RNF228: variants seen among roughly 807,000 people sequenced by gnomAD.
The protein encoded by RNF228 is ring finger protein 228.
chr2:222,316,226 T>C, the RNF228 span, among the ~76,000 whole-genome samples: 2 of 152,180 alleles, frequency 1.3e-5, no homozygotes, highest in South Asian at 2.1e-4. Flanking sequence ...GAGACCTGAA[T>C]GCCAGATAAC....
the RNF228 span, chr2:222,319,100 C>T: frequency 0.014 from 2,725 of 197,904 alleles, 68 homozygotes; most frequent in African/African-American, 0.059. The surrounding 1 kb of genome is among the most constrained non-coding windows in gnomAD (Gnocchi z 7.6). Flanking sequence ...CGCTGCCCCC[C>T]GTCGAGCCCG....
At chr2:222,314,532 T>A in the RNF228 span, among the ~76,000 whole-genome samples, 1 of 152,230 alleles carries the variant, frequency 6.6e-6, no homozygotes, top group Non-Finnish European at 1.5e-5. Flanking sequence ...GTGTAATGCA[T>A]ATTTAGCAAG....
At chr2:222,318,890 GGA>G in the RNF228 span, 1 of 152,624 alleles carries the variant, frequency 6.6e-6, no homozygotes, top group South Asian at 2.1e-4. Flanking sequence ...GGCCGAGTTG[GGA>G]GAGAGTGTGA....
the RNF228 span, chr2:222,319,484 C>CTGCGGT: frequency 1.5e-5 from 2 of 129,076 alleles, no homozygotes; most frequent in Non-Finnish European, 3.3e-5. This position sits in a 1 kb window ranked among gnomAD's most constrained non-coding sequence, Gnocchi z 7.6. Context: ...GCGGCGGCGG[C>CTGCGGT]TGCGGTGGGG....
chr2:222,314,701 T>C, the RNF228 span, among the ~76,000 whole-genome samples: 1 of 152,256 alleles, frequency 6.6e-6, no homozygotes. Context: ...TCATAATAAC[T>C]GGGAAATTGC....
chr2:222,314,616 C>T, the RNF228 span, among the ~76,000 whole-genome samples: 4 of 152,106 alleles, frequency 2.6e-5, no homozygotes, highest in East Asian at 5.8e-4. Flanking sequence ...ACAAATATAG[C>T]TAACAGGAAT....
At chr2:222,319,724 G>A in the RNF228 span, among the ~76,000 whole-genome samples, 1 of 145,954 alleles carries the variant, frequency 6.9e-6, no homozygotes, top group East Asian at 2.0e-4. This position sits in a 1 kb window ranked among gnomAD's most constrained non-coding sequence, Gnocchi z 7.6. Flanking sequence ...CGCCGGGCGG[G>A]CAGAGCCAGG....
At chr2:222,319,700 C>G in the RNF228 span, among the ~76,000 whole-genome samples, 1 of 143,444 alleles carries the variant, frequency 7.0e-6, no homozygotes, top group Admixed American at 6.9e-5. This position sits in a 1 kb window ranked among gnomAD's most constrained non-coding sequence, Gnocchi z 7.6. Flanking sequence ...GGCGGCACAC[C>G]GGGCACGCGA....
At chr2:222,320,149 C>G in the RNF228 span, among the ~76,000 whole-genome samples, 2 of 152,030 alleles carry the variant, frequency 1.3e-5, no homozygotes, top group East Asian at 2.0e-4. Flanking sequence ...GGGGAGGAGG[C>G]GCTTCTGCCT....
the RNF228 span, among the ~76,000 whole-genome samples, chr2:222,316,498 G>T: frequency 4.6e-5 from 7 of 152,292 alleles, no homozygotes; most frequent in African/African-American, 1.7e-4. Context: ...GTATTTCTCA[G>T]TTATGAGGAA....
the RNF228 span, chr2:222,318,781 C>G: frequency 2.0e-5 from 3 of 151,080 alleles, no homozygotes; most frequent in South Asian, 2.1e-4. Context: ...ACCCCCCCCC[C>G]CCACCAACAT....
chr2:222,316,443 A>G, the RNF228 span, among the ~76,000 whole-genome samples: 3 of 152,260 alleles, frequency 2.0e-5, no homozygotes, highest in African/African-American at 4.8e-5. Flanking sequence ...AATCTATAAT[A>G]GAAGCAAAAT....
At chr2:222,319,082 G>A in the RNF228 span, 2 of 178,910 alleles carry the variant, frequency 1.1e-5, no homozygotes, top group Non-Finnish European at 2.3e-5. The surrounding 1 kb of genome is among the most constrained non-coding windows in gnomAD (Gnocchi z 7.6). Flanking sequence ...TCGGGCCGCC[G>A]CCGCCGCCGC....
the RNF228 span, among the ~76,000 whole-genome samples, chr2:222,314,807 G>C: frequency 1.3e-5 from 2 of 152,200 alleles, no homozygotes; most frequent in Admixed American, 6.5e-5. Flanking sequence ...GTAACAAATA[G>C]TAAGAAATTT....
the RNF228 span, chr2:222,319,413 C>G: frequency 7.6e-6 from 2 of 262,030 alleles, no homozygotes; most frequent in Admixed American, 5.6e-5. This position sits in a 1 kb window ranked among gnomAD's most constrained non-coding sequence, Gnocchi z 7.6. Flanking sequence ...GTCGTAGGCG[C>G]CCGGGGCGCG....
At chr2:222,314,168 T>A in the RNF228 span, among the ~76,000 whole-genome samples, 1 of 152,230 alleles carries the variant, frequency 6.6e-6, no homozygotes, top group Non-Finnish European at 1.5e-5. Flanking sequence ...TCTCCAAGTA[T>A]ATTTTATAAT....
chr2:222,318,775 C>CA, the RNF228 span: 2 of 149,984 alleles, frequency 1.3e-5, no homozygotes, highest in African/African-American at 2.4e-5. Flanking sequence ...AAAGAGACCC[C>CA]CCCCCCCCAC....
chr2:222,315,823 G>A, the RNF228 span, among the ~76,000 whole-genome samples: 98,515 of 152,080 alleles, frequency 0.65, 32,082 homozygotes, highest in Admixed American at 0.76. Flanking sequence ...TGTTTAATTC[G>A]CCACCTGCAT....
At chr2:222,316,582 T>C in the RNF228 span, among the ~76,000 whole-genome samples, 1 of 152,250 alleles carries the variant, frequency 6.6e-6, no homozygotes, top group Non-Finnish European at 1.5e-5. Context: ...GTGCCCAAAG[T>C]AACCTTAGAC....
Sources: gnomAD v4.1 joint callset for allele counts (sites outside exome capture counted in the v4.1 genomes callset) on GRCh38, gnomAD v4.1.1 for gene constraint, Gnocchi (gnomAD v3.1) non-coding constraint, MANE v1.5 for transcripts, NCBI Gene and HGNC (gene_info 2026-07-23, HGNC 2026-07-21) for gene names.